SOX5: variants seen among roughly 807,000 people sequenced by gnomAD.
SOX5 encodes SRY-box transcription factor 5, also known as transcription factor SOX-5.
In SOX5, 9 loss-of-function variants were observed where a neutral mutation model predicts 92.0. The ratio of observed to expected loss-of-function variants is 0.10; its 90% confidence interval spans 0.06 to 0.17. The LOEUF is 0.17. Among genes scored for constraint, SOX5 ranks in the 10% least tolerant of loss-of-function variants. The pLI is 1.00. For missense variants in SOX5, 642 were observed against 944.5 expected (o/e 0.68, Z 4.20); for synonymous variants, 344 against 336.3 (o/e 1.02, Z -0.25).
intron 1 of SOX5, among the ~76,000 whole-genome samples, chr12:24,511,793 C>T (rs943577904): frequency 6.6e-6 from 1 of 151,940 alleles, no homozygotes; most frequent in Non-Finnish European, 1.5e-5. Flanking sequence ...CCCGTCTCTA[C>T]TAAAACTACA....
chr12:23,872,083 C>T (rs1332953581), intron 2 of SOX5, among the ~76,000 whole-genome samples: 4 of 150,508 alleles, frequency 2.7e-5, no homozygotes, highest in East Asian at 3.9e-4. Context: ...CTGCAAGCTC[C>T]GCCTCCCGGG....
At chr12:23,681,498 G>C (rs1372813865) in intron 6 of SOX5, among the ~76,000 whole-genome samples, 1 of 151,492 alleles carries the variant, frequency 6.6e-6, no homozygotes, top group African/African-American at 2.4e-5. Context: ...TAGTTTACAA[G>C]AGATATACTT....
At chr12:24,413,579 G>A (rs368913912) in intron 1 of SOX5, among the ~76,000 whole-genome samples, 43 of 152,250 alleles carry the variant, frequency 2.8e-4, no homozygotes, top group Middle Eastern at 6.8e-3. Context: ...ATGCAGTTAT[G>A]CCTCATTTCC....
intron 4 of SOX5, among the ~76,000 whole-genome samples, chr12:24,023,733 A>G (rs1445483541): frequency 6.6e-6 from 1 of 152,104 alleles, no homozygotes; most frequent in African/African-American, 2.4e-5. Flanking sequence ...ATGCTCAGCT[A>G]CATATACATT....
At chr12:23,542,546 T>G (rs995837246) in intron 13 of SOX5, among the ~76,000 whole-genome samples, 1 of 152,230 alleles carries the variant, frequency 6.6e-6, no homozygotes, top group Non-Finnish European at 1.5e-5. Context: ...AGTCTCTGTG[T>G]GGGTAGAGTA....
At chr12:23,970,580 T>C (rs1283166252) in intron 4 of SOX5, among the ~76,000 whole-genome samples, 4 of 151,800 alleles carry the variant, frequency 2.6e-5, no homozygotes, top group Non-Finnish European at 5.9e-5. Context: ...CTTATTTTAC[T>C]GAGCATAAAG....
chr12:23,805,058 CTA>C (rs2095745172), intron 3 of SOX5, among the ~76,000 whole-genome samples: 1 of 148,558 alleles, frequency 6.7e-6, no homozygotes, highest in Non-Finnish European at 1.5e-5. Context: ...CTTTGCATGA[CTA>C]GACGTTTTTT....
At chr12:24,290,023 A>C (rs1946437953) in intron 2 of SOX5, among the ~76,000 whole-genome samples, 1 of 151,958 alleles carries the variant, frequency 6.6e-6, no homozygotes, top group African/African-American at 2.4e-5. Context: ...CTTGTCTACT[A>C]CTCTCCTTGT....
intron 2 of SOX5, among the ~76,000 whole-genome samples, chr12:23,873,776 G>T (rs1252794043): frequency 6.6e-6 from 1 of 152,090 alleles, no homozygotes; most frequent in Non-Finnish European, 1.5e-5. Flanking sequence ...TGTGAAAAGG[G>T]GTATATAAAG....
At chr12:23,621,718 A>G (rs1407916412) in intron 8 of SOX5, among the ~76,000 whole-genome samples, 2 of 152,146 alleles carry the variant, frequency 1.3e-5, no homozygotes, top group African/African-American at 2.4e-5. Context: ...ATAGAAGAGG[A>G]AAGAGTACCA....
chr12:23,699,733 G>T (rs543075486), intron 6 of SOX5, among the ~76,000 whole-genome samples: 1 of 152,246 alleles, frequency 6.6e-6, no homozygotes, highest in South Asian at 2.1e-4. Flanking sequence ...CTTGGGAAAT[G>T]AAATTAGAGA....
intron 1 of SOX5, among the ~76,000 whole-genome samples, chr12:24,505,077 G>A (rs1597386938): frequency 6.6e-6 from 1 of 152,226 alleles, no homozygotes; most frequent in Non-Finnish European, 1.5e-5. Flanking sequence ...GTAAAAACAG[G>A]TTTAAGATCT....
intron 4 of SOX5, among the ~76,000 whole-genome samples, chr12:24,150,958 A>G (rs1422386675): frequency 6.6e-6 from 1 of 152,162 alleles, no homozygotes; most frequent in African/African-American, 2.4e-5. Flanking sequence ...ACAGGAGATA[A>G]ATTTAAAAAC....
chr12:24,487,105 G>A lies in SOX5; in HGVS notation c.-251+75224C>T, dbSNP rs139239045. On this transcript the variant is annotated intron_variant, in intron 1 of 4. Transcript: ENST00000446891. ...ACTATTATATCAATCCACGGAGCCA[G>A]TGTTCTCTGTCTCTAATGTTAAATA... 2.8e-3 allele frequency among the ~76,000 whole-genome samples: 424 copies of A among 152,298 alleles called. 1 individual carries two copies. Among genetic ancestry groups the A allele is most frequent in the Non-Finnish European group, 4.6e-3 (314 of 68,028 alleles).
In SOX5 at chr12:24,153,214, G is replaced by A. The variant is rs142565482; in HGVS notation, c.-2+60129C>T. On this transcript the variant is annotated intron_variant, in intron 4 of 4. Coordinates refer to the SOX5 transcript ENST00000446891. ...ACAATTTGCCCTTCAGTTCAGAGACGAATCCTATTTAAACTTGTCTAACCT... is the reference window on the plus strand; with the variant it reads ...ACAATTTGCCCTTCAGTTCAGAGACAAATCCTATTTAAACTTGTCTAACCT... Among the ~76,000 whole-genome samples the A allele has an allele frequency of 8.6e-4, 131 of 152,144 alleles. 2 individuals are homozygous for A. Among genetic ancestry groups the A allele is most frequent in the African/African-American group, 3.1e-3 (128 of 41,556 alleles).
intron 1 of SOX5, among the ~76,000 whole-genome samples, chr12:24,427,717 G>C (rs1286058179): frequency 6.6e-6 from 1 of 152,132 alleles, no homozygotes; most frequent in African/African-American, 2.4e-5. Flanking sequence ...TCTGCTTTTA[G>C]AGCAAAATAT....
intron 4 of SOX5, among the ~76,000 whole-genome samples, chr12:24,167,723 T>C (rs1314741035): frequency 6.6e-6 from 1 of 152,256 alleles, no homozygotes; most frequent in Non-Finnish European, 1.5e-5. Flanking sequence ...TTTGTTTCGA[T>C]CTAGTCCAGC....
At chr12:24,114,721 G>T (rs898056407) in intron 4 of SOX5, among the ~76,000 whole-genome samples, 2 of 151,772 alleles carry the variant, frequency 1.3e-5, no homozygotes, top group Non-Finnish European at 2.9e-5. Context: ...GAGAATCAAG[G>T]GTCTTTTGAA....
At chr12:24,308,770 G>C (rs1368299245) in intron 2 of SOX5, among the ~76,000 whole-genome samples, 1 of 152,178 alleles carries the variant, frequency 6.6e-6, no homozygotes, top group Non-Finnish European at 1.5e-5. Flanking sequence ...AATATAAGTT[G>C]ATGATCAGGT....
Sources: gnomAD v4.1 joint callset for allele counts (sites outside exome capture counted in the v4.1 genomes callset) on GRCh38, gnomAD v4.1.1 for gene constraint, MANE v1.5 for transcripts, NCBI Gene and HGNC (gene_info 2026-07-23, HGNC 2026-07-21) for gene names.